CALN1: variants seen among roughly 807,000 people sequenced by gnomAD.
The protein encoded by CALN1 is calneuron 1, also known as calcium-binding protein 8.
In CALN1, 17 loss-of-function variants were observed where a neutral mutation model predicts 30.6. That is an observed-to-expected ratio of 0.56 (90% CI 0.38 to 0.83). The LOEUF (loss-of-function observed/expected upper bound fraction) is 0.83. Among genes scored for constraint, CALN1 ranks in the 40% least tolerant of loss-of-function variants. The pLI is 0.00. For synonymous variants in CALN1, 156 were observed against 131.4 expected, an observed-to-expected ratio of 1.19 and a Z score of -1.28; for missense variants, 291 against 354.9, an observed-to-expected ratio of 0.82 and a Z score of 1.45.
At chr7:71,926,567 A>C (rs909609243) in intron 5 of CALN1, among the ~76,000 whole-genome samples, 2 of 152,156 alleles carry the variant, frequency 1.3e-5, no homozygotes, top group Non-Finnish European at 2.9e-5. Flanking sequence ...TTCTGCTATT[A>C]TCTCTTCAAG....
intron 2 of CALN1, among the ~76,000 whole-genome samples, chr7:72,300,665 A>G (rs1799193890): frequency 6.6e-6 from 1 of 152,198 alleles, no homozygotes; most frequent in South Asian, 2.1e-4. Flanking sequence ...ATAAACACAG[A>G]TGTATGTATT....
At chr7:72,418,345 A>G (rs1807491240) in intron 1 of CALN1, among the ~76,000 whole-genome samples, 1 of 152,096 alleles carries the variant, frequency 6.6e-6, no homozygotes, top group African/African-American at 2.4e-5. Context: ...TATGGACCAC[A>G]TTTTCTTTAT....
chr7:72,432,158 T>C (rs1807999104), intron 1 of CALN1, among the ~76,000 whole-genome samples: 1 of 152,080 alleles, frequency 6.6e-6, no homozygotes, highest in Non-Finnish European at 1.5e-5. Flanking sequence ...GGTTTTCCTG[T>C]GCTGTTCTGG....
At chr7:71,929,304 C>G (rs765726284) in intron 5 of CALN1, among the ~76,000 whole-genome samples, 1 of 152,144 alleles carries the variant, frequency 6.6e-6, no homozygotes, top group Non-Finnish European at 1.5e-5. Flanking sequence ...CTGACAGGCC[C>G]CAGTGTGTGT....
intron 3 of CALN1, among the ~76,000 whole-genome samples, chr7:72,112,134 C>G (rs1807623807): frequency 6.6e-6 from 1 of 152,156 alleles, no homozygotes; most frequent in South Asian, 2.1e-4. Flanking sequence ...TTCCTAATGA[C>G]ACAGCCAATT....
At chr7:72,368,556 CAAG>C (rs1804022580) in intron 2 of CALN1, among the ~76,000 whole-genome samples, 1 of 151,536 alleles carries the variant, frequency 6.6e-6, no homozygotes, top group African/African-American at 2.4e-5. Flanking sequence ...ACATTCAACT[CAAG>C]AAATAAGAAA....
chr7:72,297,642 GGTTGA>G (rs1239383729), intron 2 of CALN1, among the ~76,000 whole-genome samples: 1 of 152,094 alleles, frequency 6.6e-6, no homozygotes, highest in Non-Finnish European at 1.5e-5. Flanking sequence ...TTTGGTTTTG[GGTTGA>G]GTTTATTTCC....
At chr7:72,327,231 C>T (rs974110004) in intron 2 of CALN1, among the ~76,000 whole-genome samples, 3 of 152,196 alleles carry the variant, frequency 2.0e-5, no homozygotes, top group Admixed American at 6.5e-5. Context: ...CAGTGGCTCA[C>T]GCCTGTAATC....
chr7:72,114,201 T>C (rs1181495458), intron 3 of CALN1, among the ~76,000 whole-genome samples: 18 of 136,978 alleles, frequency 1.3e-4, no homozygotes, highest in African/African-American at 4.9e-4. Context: ...GTCAACATGG[T>C]AAAACCCAAG....
chr7:72,307,665 T>A (rs891143471), intron 2 of CALN1, among the ~76,000 whole-genome samples: 2 of 152,192 alleles, frequency 1.3e-5, no homozygotes, highest in Non-Finnish European at 2.9e-5. Context: ...ACCTCCTGGC[T>A]GAGCCTCTGG....
chr7:72,338,349 A>G (rs1277611234), intron 2 of CALN1, among the ~76,000 whole-genome samples: 1 of 152,144 alleles, frequency 6.6e-6, no homozygotes, highest in Admixed American at 6.5e-5. Context: ...ATTTCACACC[A>G]ATCAGAACAA....
intron 1 of CALN1, among the ~76,000 whole-genome samples, chr7:72,433,297 AG>A (rs1473423509): frequency 1.3e-5 from 2 of 152,334 alleles, no homozygotes; most frequent in Admixed American, 6.5e-5. Flanking sequence ...ACAAGACAGC[AG>A]GAATTCAACC....
the CALN1 span, among the ~76,000 whole-genome samples, chr7:72,481,355 C>T: frequency 6.6e-6 from 1 of 152,250 alleles, no homozygotes; most frequent in Admixed American, 6.5e-5. Flanking sequence ...TCCCAAAGGG[C>T]TGGGATTATA....
intron 2 of CALN1, among the ~76,000 whole-genome samples, chr7:72,361,509 A>G (rs530024357): frequency 1.4e-4 from 22 of 152,310 alleles, no homozygotes; most frequent in Admixed American, 1.4e-3. Context: ...CTGTCTCTAA[A>G]AAACAAACAA....
At chr7:71,915,732 C>CA (rs1284349147) in intron 5 of CALN1, among the ~76,000 whole-genome samples, 1 of 141,928 alleles carries the variant, frequency 7.0e-6, no homozygotes, top group Non-Finnish European at 1.5e-5. Context: ...GACTCCGTCT[C>CA]AAAACAAAAA....
At chr7:72,047,926 C>G (rs1451364756) in intron 4 of CALN1, among the ~76,000 whole-genome samples, 5 of 152,084 alleles carry the variant, frequency 3.3e-5, no homozygotes, top group African/African-American at 4.8e-5. Context: ...TGGATATTGT[C>G]TGGGACAGTG....
At chr7:71,929,154 T>G (rs146844884) in intron 5 of CALN1, among the ~76,000 whole-genome samples, 1 of 152,224 alleles carries the variant, frequency 6.6e-6, no homozygotes, top group Non-Finnish European at 1.5e-5. Context: ...CAAGGGTACA[T>G]GTGCAGGATG....
Position 72,290,925 on chromosome 7 carries a change from C to CT in CALN1, c.120-12116_120-12115insA, listed in dbSNP as rs1798435934. On this transcript the variant is annotated intron_variant, in intron 2 of 6. Coordinates refer to ENST00000395275, the MANE Select transcript of CALN1 (RefSeq NM_031468.4). Reference sequence around the variant, plus strand: ...CCTATACTTTCTTTCACCTTTTAACCATTTTTTTTTTTTTTGAGACAGAGA... The same window carrying CT: ...CCTATACTTTCTTTCACCTTTTAACCTATTTTTTTTTTTTTTGAGACAGAGA... Among the ~76,000 whole-genome samples, 12 of 106,316 alleles carry CT rather than the reference C, an allele frequency of 1.1e-4. 1 individual carries two copies. The highest frequency in any genetic ancestry group is 1.5e-4 in the African/African-American group (4 of 27,386). The allele number at this position is 106,316 out of a possible 152,430, so 69.7% of individuals were successfully genotyped here.
At chr7:72,332,509 G>A (rs1463602394) in intron 2 of CALN1, among the ~76,000 whole-genome samples, 2 of 151,652 alleles carry the variant, frequency 1.3e-5, no homozygotes, top group Admixed American at 1.3e-4. Flanking sequence ...GGACCAAATT[G>A]AGCCCCACCT....
Sources: gnomAD v4.1 joint callset for allele counts (sites outside exome capture counted in the v4.1 genomes callset) on GRCh38, gnomAD v4.1.1 for gene constraint, MANE v1.5 for transcripts, NCBI Gene and HGNC (gene_info 2026-07-23, HGNC 2026-07-21) for gene names.